MSANTD2: variants seen among roughly 807,000 people sequenced by gnomAD.
The protein encoded by MSANTD2 is myb/SANT-like DNA-binding domain-containing protein 2.
In MSANTD2, 19 loss-of-function variants were observed where a neutral mutation model predicts 52.6. That is an observed-to-expected ratio of 0.36 (90% CI 0.25 to 0.53). The LOEUF is 0.53. MSANTD2 is among the 20% of genes least tolerant of loss of function. The pLI is 0.91. For synonymous variants in MSANTD2, 291 were observed against 289.7 expected (o/e 1.00, Z -0.04); for missense variants, 558 against 716.3 (o/e 0.78, Z 2.52).
intron 1 of MSANTD2, among the ~76,000 whole-genome samples, chr11:124,799,607 T>A (rs1395870325): frequency 2.0e-5 from 2 of 100,658 alleles, no homozygotes; most frequent in African/African-American, 4.1e-5. Context: ...ACTACCAACT[T>A]CAGAGCGCAG....
intron 1 of MSANTD2, chr11:124,783,689 T>C: frequency 5.1e-6 from 5 of 972,430 alleles, no homozygotes; most frequent in Non-Finnish European, 6.1e-6. Flanking sequence ...TCAGGAAATT[T>C]TGATTGTCAA....
intron 1 of MSANTD2, among the ~76,000 whole-genome samples, chr11:124,788,676 A>G (rs1422089121): frequency 6.6e-6 from 1 of 152,188 alleles, no homozygotes; most frequent in Non-Finnish European, 1.5e-5. Context: ...GGCTCCACAT[A>G]ATGCCTGGCA....
At chr11:124,784,614 C>T (rs1205870324) in intron 1 of MSANTD2, 1 of 984,982 alleles carries the variant, frequency 1.0e-6, no homozygotes, top group Non-Finnish European at 1.2e-6. Flanking sequence ...CAGGCTTCCC[C>T]TGAAGCAGTA....
Position 124,774,493 on chromosome 11 carries a change from C to T in MSANTD2, c.766+226G>A, listed in dbSNP as rs1944662506. ...CTTGCCAAATGAACAACACCAAGCA[C>T]CAGTTGGCAGTTTAAGGCTAAACCA... On this transcript the variant is annotated intron_variant, in intron 2 of 3. Coordinates refer to ENST00000374979, the MANE Select transcript of MSANTD2 (RefSeq NM_001308027.2). This position sits in a 1 kb window ranked among gnomAD's most constrained non-coding sequence, Gnocchi z 5.1. 6.6e-6 allele frequency among the ~76,000 whole-genome samples: 1 copy of T among 152,178 alleles called. No homozygotes were observed. The highest frequency in any genetic ancestry group is 6.5e-5 in the Admixed American group (1 of 15,280).
At chr11:124,784,509 GCA>G in intron 1 of MSANTD2, 1 of 981,834 alleles carries the variant, frequency 1.0e-6, no homozygotes, top group African/African-American at 1.8e-5. Context: ...TCAAAAATCC[GCA>G]CACAGCTTTA....
chr11:124,798,234 T>TAAAAAAAAAAAAAAA (rs10601418), intron 1 of MSANTD2, among the ~76,000 whole-genome samples: 5 of 110,526 alleles, frequency 4.5e-5, no homozygotes, highest in African/African-American at 2.0e-4. Context: ...CCCTGTCTCT[T>TAAAAAAAAAAAAAAA]AAAAAAAAAA....
intron 1 of MSANTD2, among the ~76,000 whole-genome samples, chr11:124,788,088 A>C (rs1945217132): frequency 6.6e-6 from 1 of 151,922 alleles, no homozygotes; most frequent in Non-Finnish European, 1.5e-5. Flanking sequence ...TCTCAAAAAA[A>C]AAAAAAAAAG....
chr11:124,770,772 A>AC (rs1330447456), intron 3 of MSANTD2, among the ~76,000 whole-genome samples: 1 of 134,828 alleles, frequency 7.4e-6, no homozygotes, highest in Non-Finnish European at 1.5e-5. Flanking sequence ...CGCCCAGCTA[A>AC]TTTTTTGGTT....
At chr11:124,783,638 A>T in intron 1 of MSANTD2, 1 of 767,000 alleles carries the variant, frequency 1.3e-6, no homozygotes, top group Non-Finnish European at 1.6e-6. Flanking sequence ...AAAATAAAAA[A>T]TAAAAGAAAG....
chr11:124,771,651 C>T (rs557443744), intron 3 of MSANTD2, among the ~76,000 whole-genome samples: 1 of 152,272 alleles, frequency 6.6e-6, no homozygotes, highest in African/African-American at 2.4e-5. Flanking sequence ...GCCTGTAGTC[C>T]CACCTACTCG....
Position 124,766,949 on chromosome 11 carries a change from T to C in MSANTD2, c.*227A>G, listed in dbSNP as rs1944321806. 1 of 427,300 alleles carries C rather than the reference T, an allele frequency of 2.3e-6. No individual in the cohort carries two copies. The highest frequency in any genetic ancestry group is 4.1e-6 in the Non-Finnish European group (1 of 243,010). 26.5% of individuals were successfully genotyped at this position (427,300 alleles called of 1,614,324 possible). ...TAAAAAAGAAATAGCTGACCCACCA[T>C]GCAAGTTCGCTATATATCTTGCTTG... On this transcript the variant is annotated 3_prime_UTR_variant, in exon 4 of 4. Coordinates refer to ENST00000374979, the MANE Select transcript of MSANTD2 (RefSeq NM_001308027.2).
chr11:124,776,255 A>G (rs1016303929), intron 1 of MSANTD2: 1 of 152,262 alleles, frequency 6.6e-6, no homozygotes, highest in African/African-American at 2.4e-5. Flanking sequence ...AACTAAAACA[A>G]CTCTTAATAA....
rs1053629529 is a variant in MSANTD2, at chr11:124,779,265, T to C, written c.511-4291A>G. 2 of 152,220 alleles carry C rather than the reference T, an allele frequency of 1.3e-5. No individual in the cohort carries two copies. The highest frequency in any genetic ancestry group is 6.5e-5 in the Admixed American group (1 of 15,284). 9.4% of individuals were successfully genotyped at this position (152,220 alleles called of 1,614,324 possible). On this transcript the variant is annotated intron_variant, in intron 1 of 3. Coordinates refer to ENST00000374979, the MANE Select transcript of MSANTD2 (RefSeq NM_001308027.2). This position sits in a 1 kb window ranked among gnomAD's most constrained non-coding sequence, Gnocchi z 4.6. ...CCCTTCCTGACATTACCTAAGCTAC[T>C]TTTGGGGTGAAATTAAGGTTTATTT...
chr11:124,799,801 G>T, intron 1 of MSANTD2, 70 bp downstream of exon 1: 1 of 1,215,312 alleles, frequency 8.2e-7, no homozygotes, highest in Non-Finnish European at 1.1e-6. Flanking sequence ...ACCGGCCCCC[G>T]CCCCCGAGGC....
intron 3 of MSANTD2, among the ~76,000 whole-genome samples, chr11:124,769,873 T>C (rs1364326578): frequency 6.6e-6 from 1 of 152,228 alleles, no homozygotes; most frequent in Non-Finnish European, 1.5e-5. Context: ...ACCCAGATCT[T>C]GTTCAGAATC....
intron 1 of MSANTD2, among the ~76,000 whole-genome samples, chr11:124,787,966 A>T (rs547081726): frequency 1.3e-5 from 2 of 151,932 alleles, no homozygotes; most frequent in East Asian, 3.9e-4. Context: ...TTAGTGCTGC[A>T]TGCCTGTAGG....
intron 1 of MSANTD2, among the ~76,000 whole-genome samples, chr11:124,787,833 G>T (rs1945207835): frequency 1.3e-5 from 2 of 152,132 alleles, no homozygotes; most frequent in South Asian, 4.2e-4. Flanking sequence ...TGCTGGGGGT[G>T]GTGGCTCCCA....
chr11:124,789,920 A>C (rs2135264618), intron 1 of MSANTD2: 3 of 152,378 alleles, frequency 2.0e-5, no homozygotes, highest in Middle Eastern at 6.8e-3. Context: ...CACATCAGAA[A>C]CAGAATTAAA....
rs1944325377 is a variant in MSANTD2, at chr11:124,767,032, T to G, written c.*144A>C. ...TTTTCTGGCCCAAGTCTACTATGAT[T>G]CCTTAGAAGTCGTACTGGCCCAATT... On this transcript the variant is annotated 3_prime_UTR_variant, in exon 4 of 4. Coordinates refer to ENST00000374979, the MANE Select transcript of MSANTD2 (RefSeq NM_001308027.2). This position sits in a 1 kb window ranked among gnomAD's most constrained non-coding sequence, Gnocchi z 6.5. 9 of 802,514 alleles carry G rather than the reference T, an allele frequency of 1.1e-5. No homozygotes were observed. The highest frequency in any genetic ancestry group is 3.9e-4 in the Middle Eastern group (1 of 2,574). The allele number at this position is 802,514 out of a possible 1,614,324, so 49.7% of individuals were successfully genotyped here.
Sources: gnomAD v4.1 joint callset for allele counts (sites outside exome capture counted in the v4.1 genomes callset) on GRCh38, gnomAD v4.1.1 for gene constraint, Gnocchi (gnomAD v3.1) non-coding constraint, MANE v1.5 for transcripts, NCBI Gene and HGNC (gene_info 2026-07-23, HGNC 2026-07-21) for gene names.